Variants in RBFOX1 observed in about 807,000 individuals in gnomAD.
RBFOX1 encodes RNA binding fox-1 homolog 1, also known as RNA binding protein fox-1 homolog 1.
In RBFOX1, 8 loss-of-function variants were observed where a neutral mutation model predicts 57.7. The observed-to-expected ratio is 0.14, with a 90% CI of 0.08 to 0.25. RBFOX1 has a LOEUF of 0.25. RBFOX1 is among the 10% of genes least tolerant of loss of function. RBFOX1 has a pLI of 1.00. For missense variants in RBFOX1, 611 were observed against 548.5 expected (o/e 1.11, Z -1.14); for synonymous variants, 326 against 222.4 (o/e 1.47, Z -4.15).
chr16:6,325,876 T>C (rs1322815409), intron 2 of RBFOX1, among the ~76,000 whole-genome samples: 1 of 152,224 alleles, frequency 6.6e-6, no homozygotes, highest in Non-Finnish European at 1.5e-5. Flanking sequence ...TTGCAGATCC[T>C]TGCTTCAGAA....
At chr16:6,638,658 T>C (rs541639493) in intron 2 of RBFOX1, among the ~76,000 whole-genome samples, 7 of 152,316 alleles carry the variant, frequency 4.6e-5, no homozygotes, top group Non-Finnish European at 8.8e-5. Flanking sequence ...TGTTTAGCCC[T>C]TTAATGCCAA....
intron 4 of RBFOX1, among the ~76,000 whole-genome samples, chr16:6,011,863 C>A (rs1167931837): frequency 2.6e-5 from 4 of 152,162 alleles, no homozygotes; most frequent in East Asian, 1.9e-4. Context: ...ATCTTGTCAT[C>A]TTTGTTAGTT....
At position 6,841,927 on chromosome 16, in the gene RBFOX1, A is replaced by C. The variant is rs560661760; in HGVS notation, c.-16+187277A>C. 3.1e-3 allele frequency among the ~76,000 whole-genome samples: 476 copies of C among 151,912 alleles called. 4 individuals are homozygous for C. The highest frequency in any genetic ancestry group is 0.011 in the African/African-American group (448 of 41,422). ...GTCGAGGCGGGTGGATCACGAGGTC[A>C]GGAGATCGAGACCATCCTGGCTAAT... On this transcript the variant is annotated intron_variant, in intron 3 of 15. Transcript: ENST00000550418.
At chr16:7,178,107 C>T (rs900259114) in intron 4 of RBFOX1, among the ~76,000 whole-genome samples, 1 of 152,190 alleles carries the variant, frequency 6.6e-6, no homozygotes, top group South Asian at 2.1e-4. Context: ...AAATAACCCC[C>T]AGGATGTCAG....
chr16:5,700,121 C>T (rs1364052621), intron 3 of RBFOX1, among the ~76,000 whole-genome samples: 1 of 152,172 alleles, frequency 6.6e-6, no homozygotes, highest in African/African-American at 2.4e-5. Context: ...CGTGAGCCAC[C>T]ATGCCTGGCC....
intron 1 of RBFOX1, among the ~76,000 whole-genome samples, chr16:6,159,042 A>C (rs1243885686): frequency 6.6e-6 from 1 of 151,888 alleles, no homozygotes; most frequent in Non-Finnish European, 1.5e-5. Context: ...AGCTGGGATT[A>C]TAGGCACCGA....
intron 1 of RBFOX1, among the ~76,000 whole-genome samples, chr16:5,425,913 C>T (rs1479081105): frequency 6.6e-6 from 1 of 152,114 alleles, no homozygotes. Flanking sequence ...GCGGTGTGTG[C>T]CTTTCATAGG....
rs183978896 is a variant in RBFOX1 at position 5,717,501 on chromosome 16, C to G, written c.318+118540C>G. Among the ~76,000 whole-genome samples, 200 of 152,238 alleles carry G rather than the reference C, an allele frequency of 1.3e-3. 2 individuals carry two copies. Among genetic ancestry groups the G allele is most frequent in the African/African-American group, 4.4e-3 (183 of 41,530 alleles). Reference sequence around the variant, plus strand: ...AATATGTAGTCTTTTATCTCTCACCCCCTCCCACCCTTCACCCTTAGTCCC... The same window carrying G: ...AATATGTAGTCTTTTATCTCTCACCGCCTCCCACCCTTCACCCTTAGTCCC... On this transcript the variant is annotated intron_variant, in intron 3 of 19. Coordinates refer to the RBFOX1 transcript ENST00000641259.
chr16:7,323,653 C>T (rs1393215437), intron 4 of RBFOX1, among the ~76,000 whole-genome samples: 1 of 152,148 alleles, frequency 6.6e-6, no homozygotes, highest in Non-Finnish European at 1.5e-5. Flanking sequence ...TACTAATGTA[C>T]TAGATGGAAC....
At chr16:6,825,976 C>T (rs114486016) in intron 3 of RBFOX1, among the ~76,000 whole-genome samples, 4,409 of 152,228 alleles carry the variant, frequency 0.029, 209 homozygotes, top group African/African-American at 0.1. Context: ...GTTTCCATGT[C>T]TGCAAAAATG....
At chr16:7,296,839 C>G (rs141107952) in intron 4 of RBFOX1, among the ~76,000 whole-genome samples, 1 of 152,246 alleles carries the variant, frequency 6.6e-6, no homozygotes, top group Non-Finnish European at 1.5e-5. Flanking sequence ...TATTCCTCTA[C>G]TTGGAGGAAT....
intron 1 of RBFOX1, among the ~76,000 whole-genome samples, chr16:5,418,192 G>A (rs1014953146): frequency 3.9e-5 from 6 of 152,194 alleles, no homozygotes; most frequent in African/African-American, 1.2e-4. Context: ...TTAAAAGCAG[G>A]AATAATTAAT....
chr16:5,625,554 A>ATTTG (rs1252785949), intron 3 of RBFOX1, among the ~76,000 whole-genome samples: 3 of 150,538 alleles, frequency 2.0e-5, no homozygotes. Context: ...TTACTTATTT[A>ATTTG]TTTATTTATT....
intron 4 of RBFOX1, among the ~76,000 whole-genome samples, chr16:5,896,855 T>A (rs1190189756): frequency 1.3e-5 from 2 of 151,982 alleles, no homozygotes; most frequent in Non-Finnish European, 2.9e-5. Context: ...TCACTATAGT[T>A]CCTAAACATC....
chr16:6,331,578 G>GTA (rs887795014), intron 2 of RBFOX1, among the ~76,000 whole-genome samples: 79 of 136,528 alleles, frequency 5.8e-4, no homozygotes, highest in African/African-American at 2.0e-3. Flanking sequence ...ATGTGTGTGT[G>GTA]TATATATATA....
chr16:7,206,375 C>T (rs2089972344), intron 4 of RBFOX1, among the ~76,000 whole-genome samples: 1 of 151,858 alleles, frequency 6.6e-6, no homozygotes, highest in Non-Finnish European at 1.5e-5. Context: ...CTTATAAATA[C>T]ACTACATGCA....
At chr16:5,658,060 G>A (rs923566098) in intron 3 of RBFOX1, among the ~76,000 whole-genome samples, 3 of 152,028 alleles carry the variant, frequency 2.0e-5, no homozygotes, top group Admixed American at 6.6e-5. Flanking sequence ...ATACCATTTC[G>A]TGATCCAGAC....
intron 4 of RBFOX1, among the ~76,000 whole-genome samples, chr16:7,398,010 T>C (rs998692544): frequency 6.6e-6 from 1 of 151,898 alleles, no homozygotes; most frequent in Non-Finnish European, 1.5e-5. Flanking sequence ...CTTACGGCCG[T>C]TAGTGGATTA....
At chr16:7,469,793 T>C (rs1484354786) in intron 4 of RBFOX1, among the ~76,000 whole-genome samples, 1 of 152,218 alleles carries the variant, frequency 6.6e-6, no homozygotes, top group Non-Finnish European at 1.5e-5. Context: ...CAGAACTTTT[T>C]CATCTTGTGA....
Sources: allele counts gnomAD v4.1 joint callset (sites outside exome capture counted in the v4.1 genomes callset), GRCh38; gene constraint gnomAD v4.1.1; transcripts MANE v1.5; gene names NCBI Gene and HGNC (gene_info 2026-07-23, HGNC 2026-07-21).